The following CNTLN variants were observed in gnomAD, a reference collection of about 807,000 sequenced individuals.
The protein encoded by CNTLN is centlein, centrosomal protein.
Under a neutral mutation model 180.0 loss-of-function variants are expected in CNTLN, and 212 were observed. That is an observed-to-expected ratio of 1.18 (90% CI 1.05 to 1.32). The LOEUF (loss-of-function observed/expected upper bound fraction) is 1.32. Ranked by LOEUF, CNTLN falls within the 40% of genes most tolerant of loss-of-function variation. CNTLN has a pLI of 0.00. For synonymous variants in CNTLN, 722 were observed against 563.1 expected (o/e 1.28, Z -3.99); for missense variants, 2,095 against 1,610.9 (o/e 1.30, Z -5.14).
chr9:17,164,066 C>G (rs1819874302), intron 2 of CNTLN, among the ~76,000 whole-genome samples: 1 of 151,058 alleles, frequency 6.6e-6, no homozygotes, highest in Non-Finnish European at 1.5e-5. Context: ...AATCCCAGAA[C>G]TTTGGAAGGC....
At position 17,261,423 on chromosome 9, in the gene CNTLN, A is replaced by AT. The variant is rs529008719; in HGVS notation, c.850-12304dup. ...TAGATGTACTCCTGGGTATTTTGTT[A>AT]TTTTTTGTGGCTATTGTAAATGGGA... is the stretch of plus-strand genomic sequence containing the variant. On this transcript the variant is annotated intron_variant, in intron 5 of 25. Coordinates refer to ENST00000380647, the MANE Select transcript of CNTLN (RefSeq NM_017738.4). 2.6e-5 allele frequency among the ~76,000 whole-genome samples: 4 copies of AT among 151,030 alleles called. 1 individual carries two copies. The highest frequency in any genetic ancestry group is 2.1e-4 in the South Asian group (1 of 4,814).
At chr9:17,450,362 C>G (rs1302290784) in intron 18 of CNTLN, among the ~76,000 whole-genome samples, 1 of 152,014 alleles carries the variant, frequency 6.6e-6, no homozygotes, top group Non-Finnish European at 1.5e-5. Flanking sequence ...AGATTCACCT[C>G]AATAAGATGT....
chr9:17,275,135 A>T (rs1232232892), intron 6 of CNTLN, among the ~76,000 whole-genome samples: 1 of 152,118 alleles, frequency 6.6e-6, no homozygotes, highest in Non-Finnish European at 1.5e-5. Context: ...AAAAATTATT[A>T]TTTATTCTTA....
At chr9:17,177,954 G>T (rs1040186097) in intron 2 of CNTLN, among the ~76,000 whole-genome samples, 6 of 152,074 alleles carry the variant, frequency 3.9e-5, no homozygotes, top group South Asian at 2.1e-4. Flanking sequence ...GTGCTGATTG[G>T]TGCATTTACA....
chr9:17,233,676 A>T (rs954248465), intron 3 of CNTLN, among the ~76,000 whole-genome samples: 1 of 152,154 alleles, frequency 6.6e-6, no homozygotes, highest in Non-Finnish European at 1.5e-5. Context: ...AGATGGATAA[A>T]TATAGCATAG....
chr9:17,266,800 C>G (rs1827492552), intron 5 of CNTLN, among the ~76,000 whole-genome samples: 1 of 152,110 alleles, frequency 6.6e-6, no homozygotes, highest in African/African-American at 2.4e-5. Flanking sequence ...TAATGGCCTT[C>G]TTTGTCTCTT....
At chr9:17,496,798 C>T (rs1464167690) in intron 25 of CNTLN, among the ~76,000 whole-genome samples, 2 of 152,126 alleles carry the variant, frequency 1.3e-5, no homozygotes, top group African/African-American at 4.8e-5. Flanking sequence ...GTGTATATCT[C>T]ACCTAGTCAT....
At chr9:17,191,448 C>T (rs1821783271) in intron 2 of CNTLN, among the ~76,000 whole-genome samples, 2 of 152,210 alleles carry the variant, frequency 1.3e-5, no homozygotes, top group Admixed American at 6.5e-5. Context: ...TCTGCTACAG[C>T]ACCCCTGGGA....
intron 8 of CNTLN, among the ~76,000 whole-genome samples, chr9:17,319,490 A>G (rs557943117): frequency 6.6e-6 from 1 of 152,204 alleles, no homozygotes; most frequent in South Asian, 2.1e-4. Context: ...AAATACTTCT[A>G]GTGGGACTTT....
intron 18 of CNTLN, among the ~76,000 whole-genome samples, chr9:17,435,360 A>T (rs552860003): frequency 1.3e-5 from 2 of 152,242 alleles, no homozygotes; most frequent in Admixed American, 1.3e-4. Context: ...TTATGAATTT[A>T]TTTTTATACT....
At chr9:17,151,035 G>A (rs1818832930) in intron 2 of CNTLN, among the ~76,000 whole-genome samples, 1 of 152,188 alleles carries the variant, frequency 6.6e-6, no homozygotes, top group African/African-American at 2.4e-5. Flanking sequence ...ATCAGCTTAA[G>A]GAGGATTTGG....
At chr9:17,521,936 A>G in the CNTLN span, among the ~76,000 whole-genome samples, 4,599 of 152,282 alleles carry the variant, frequency 0.03, 233 homozygotes, top group African/African-American at 0.1. Context: ...ATTGCTGTCA[A>G]TATTGGGAAA....
intron 7 of CNTLN, chr9:17,300,590 G>A (rs1444457471): frequency 6.6e-6 from 1 of 152,126 alleles, no homozygotes; most frequent in South Asian, 2.1e-4. Context: ...CAGTTTCTTT[G>A]TTCTGATCTT....
At chr9:17,444,500 A>G (rs929214308) in intron 18 of CNTLN, among the ~76,000 whole-genome samples, 8 of 152,186 alleles carry the variant, frequency 5.3e-5, no homozygotes, top group Non-Finnish European at 1.0e-4. Context: ...GCTGTCACCC[A>G]CTTCAGTTGC....
intron 13 of CNTLN, among the ~76,000 whole-genome samples, 183 bp downstream of exon 13, chr9:17,366,900 A>G (rs1823868318): frequency 6.6e-6 from 1 of 152,224 alleles, no homozygotes; most frequent in Non-Finnish European, 1.5e-5. Flanking sequence ...TCTAAAAGTC[A>G]GCTTTGTAAT....
chr9:17,325,045 C>T (rs1288312830), intron 8 of CNTLN, among the ~76,000 whole-genome samples: 1 of 151,464 alleles, frequency 6.6e-6, no homozygotes, highest in Non-Finnish European at 1.5e-5. Context: ...TGATATTAGA[C>T]ATTTTATTAC....
At chr9:17,198,217 G>C (rs529004482) in intron 2 of CNTLN, among the ~76,000 whole-genome samples, 59 of 151,996 alleles carry the variant, frequency 3.9e-4, no homozygotes, top group African/African-American at 1.4e-3. Context: ...GCTATTTTGG[G>C]TCTTTGGTGG....
intron 2 of CNTLN, among the ~76,000 whole-genome samples, chr9:17,195,001 G>A (rs1013420478): frequency 2.6e-5 from 4 of 152,032 alleles, no homozygotes; most frequent in South Asian, 2.1e-4. Context: ...GGGGGAAACC[G>A]CCCCCATAAT....
intron 1 of CNTLN, 101 bp downstream of exon 1, chr9:17,135,526 A>G (rs546605436): frequency 1.8e-4 from 256 of 1,400,530 alleles, no homozygotes; most frequent in South Asian, 7.4e-4. Context: ...TACCCCGCCC[A>G]GCGACGCTCC....
Sources: gnomAD v4.1 joint callset for allele counts (sites outside exome capture counted in the v4.1 genomes callset) on GRCh38, gnomAD v4.1.1 for gene constraint, MANE v1.5 for transcripts, NCBI Gene and HGNC (gene_info 2026-07-23, HGNC 2026-07-21) for gene names.